The following MYO3A variants were observed in gnomAD, a reference collection of about 807,000 sequenced individuals.
The protein encoded by MYO3A is myosin-IIIa.
Under a neutral mutation model 192.7 loss-of-function variants are expected in MYO3A, and 180 were observed. The observed-to-expected ratio is 0.93, with a 90% CI of 0.83 to 1.06. The LOEUF is 1.06. Among genes scored for constraint, MYO3A ranks in the 50% least tolerant of loss-of-function variants. The pLI is 0.00. For missense variants in MYO3A, 1,896 were observed against 1,905.0 expected (o/e 1.00, Z 0.09); for synonymous variants, 628 against 645.3 (o/e 0.97, Z 0.41).
chr10:26,205,434 C>T (rs78215086), intron 34 of MYO3A, among the ~76,000 whole-genome samples: 9,052 of 142,408 alleles, frequency 0.064, 370 homozygotes, highest in Non-Finnish European at 0.088. Context: ...CTGGTAACTA[C>T]TATTCTACTC....
At chr10:25,940,257 C>T (rs1377201317) in intron 2 of MYO3A, among the ~76,000 whole-genome samples, 1 of 151,164 alleles carries the variant, frequency 6.6e-6, no homozygotes, top group African/African-American at 2.4e-5. Context: ...CCTTTATTCT[C>T]CTTTCTTGAA....
At chr10:26,001,243 C>T (rs574131178) in intron 6 of MYO3A, among the ~76,000 whole-genome samples, 1 of 152,160 alleles carries the variant, frequency 6.6e-6, no homozygotes, top group South Asian at 2.1e-4. Context: ...TCATTGCTAA[C>T]CTGGAGGGGC....
At position 25,948,035 on chromosome 10, in the gene MYO3A, A is replaced by G. The variant is rs562628156; in HGVS notation, c.-17-4059A>G. On this transcript the variant is annotated intron_variant, in intron 2 of 34. Coordinates refer to ENST00000642920, the MANE Select transcript of MYO3A (RefSeq NM_017433.5). ...GGCAAGATGGGATGCAGGAAGTAAG[A>G]CTGGGATTGTAAGTAAGATGATCAG... is the stretch of plus-strand genomic sequence containing the variant. Among the ~76,000 whole-genome samples, 34 of 152,248 alleles carry G rather than the reference A, an allele frequency of 2.2e-4. 1 individual carries two copies. The South Asian group carries it at 6.2e-3, about 28-fold the overall frequency.
At chr10:25,975,014 A>G (rs1340130852) in intron 4 of MYO3A, among the ~76,000 whole-genome samples, 1 of 152,334 alleles carries the variant, frequency 6.6e-6, no homozygotes, top group Non-Finnish European at 1.5e-5. Flanking sequence ...GGCCTCTGGT[A>G]GAAGCCAAAA....
intron 4 of MYO3A, among the ~76,000 whole-genome samples, chr10:25,986,416 G>A (rs1011121554): frequency 6.6e-6 from 1 of 152,160 alleles, no homozygotes; most frequent in East Asian, 1.9e-4. Context: ...AAGTCAAACT[G>A]TCACTCTTTG....
intron 17 of MYO3A, among the ~76,000 whole-genome samples, chr10:26,110,110 A>T (rs72787353): frequency 6.6e-6 from 1 of 152,204 alleles, no homozygotes; most frequent in African/African-American, 2.4e-5. Context: ...CTGAAGTTAA[A>T]TGACTTTTTG....
intron 20 of MYO3A, among the ~76,000 whole-genome samples, chr10:26,142,839 A>G (rs1840241089): frequency 6.6e-6 from 1 of 152,216 alleles, no homozygotes; most frequent in Admixed American, 6.5e-5. Context: ...ATCTAGTTAA[A>G]TATTCTGTAA....
chr10:25,956,459 C>T (rs1433156681), intron 4 of MYO3A, among the ~76,000 whole-genome samples: 1 of 150,080 alleles, frequency 6.7e-6, no homozygotes, highest in South Asian at 2.1e-4. Context: ...TCACAAGTAG[C>T]TGGGATTACA....
intron 23 of MYO3A, among the ~76,000 whole-genome samples, chr10:26,153,163 T>C (rs1045038280): frequency 2.6e-5 from 4 of 152,342 alleles, no homozygotes; most frequent in Middle Eastern, 6.8e-3. Context: ...GCCTTCCATG[T>C]GCCAGACATA....
At chr10:26,036,026 C>T (rs886406516) in intron 10 of MYO3A, among the ~76,000 whole-genome samples, 6 of 151,956 alleles carry the variant, frequency 3.9e-5, no homozygotes, top group African/African-American at 1.2e-4. Context: ...TTCTGCCTCC[C>T]GGGTTCACAC....
intron 10 of MYO3A, among the ~76,000 whole-genome samples, chr10:26,050,981 A>T (rs868465659): frequency 4.6e-5 from 7 of 152,214 alleles, no homozygotes; most frequent in Admixed American, 3.3e-4. Flanking sequence ...GTAAATCAAA[A>T]TTTATACCAG....
At chr10:26,006,545 G>A (rs1841220778) in intron 6 of MYO3A, among the ~76,000 whole-genome samples, 2 of 151,822 alleles carry the variant, frequency 1.3e-5, no homozygotes, top group African/African-American at 4.8e-5. Context: ...ATGATAAAGG[G>A]GATATCACCA....
In MYO3A at chr10:25,997,404, T is replaced by C. The variant is rs1840523496; in HGVS notation, c.508+146T>C. ...CTTATTGAGGTAAGAAGTGCAGAGA[T>C]AATTTGGCAAATGAGAGATTCCCAG... On this transcript the variant is annotated intron_variant, in intron 6 of 34. Coordinates refer to ENST00000642920, the MANE Select transcript of MYO3A (RefSeq NM_017433.5). 1.1e-5 allele frequency: 8 copies of C among 702,822 alleles called. No homozygotes were observed. In the East Asian group the frequency reaches 2.2e-4, roughly 20 times the overall value. 43.5% of individuals were successfully genotyped at this position (702,822 alleles called of 1,614,324 possible).
intron 10 of MYO3A, among the ~76,000 whole-genome samples, chr10:26,039,666 G>A (rs1318790714): frequency 1.3e-5 from 2 of 151,986 alleles, no homozygotes; most frequent in Non-Finnish European, 2.9e-5. Flanking sequence ...ATTTATTGAT[G>A]TATATTTGCT....
At position 26,212,351 on chromosome 10, in the gene MYO3A, ATT is replaced by A. The variant is rs558895234; in HGVS notation, c.*398_*399del. 9.4e-4 allele frequency: 309 copies of A among 328,786 alleles called. No individual in the cohort carries two copies. The highest frequency in any genetic ancestry group is 3.0e-3 in the African/African-American group (138 of 46,088). The allele number at this position is 328,786 out of a possible 1,614,324, so 20.4% of individuals were successfully genotyped here. On this transcript the variant is annotated 3_prime_UTR_variant, in exon 35 of 35. Transcript: ENST00000642920. ...TCATTTGGGGTGACTGAATTCACAGATTTTTTTTTTTATTGGAAACGGCTTTT... is the reference window on the plus strand; with the variant it reads ...TCATTTGGGGTGACTGAATTCACAGATTTTTTTTTATTGGAAACGGCTTTT...
rs1589005428 is a variant in MYO3A at position 26,128,625 on chromosome 10, T to C, written c.2262+87T>C. 2.3e-6 allele frequency: 3 copies of C among 1,332,682 alleles called. No individual in the cohort carries two copies. In the East Asian group the frequency reaches 7.0e-5, roughly 31 times the overall value. 82.6% of individuals were successfully genotyped at this position (1,332,682 alleles called of 1,614,324 possible). A position where few individuals can be genotyped will look rare whatever the true frequency, so the allele number is the denominator to read the frequency against. On this transcript the variant is annotated intron_variant, in intron 20 of 34. Coordinates refer to ENST00000642920, the MANE Select transcript of MYO3A (RefSeq NM_017433.5). ...AATGAAGCAGGACCTTAACCATAGA[T>C]TTAATGCCTTAAACATTTTAGAAAG...
intron 26 of MYO3A, among the ~76,000 whole-genome samples, chr10:26,160,563 T>G (rs189632003): frequency 9.9e-5 from 15 of 152,196 alleles, no homozygotes; most frequent in Admixed American, 9.8e-4. Flanking sequence ...GAGGATCACT[T>G]GAGCCCAGGA....
intron 10 of MYO3A, among the ~76,000 whole-genome samples, chr10:26,036,043 C>G (rs1206356245): frequency 2.6e-5 from 4 of 152,062 alleles, no homozygotes; most frequent in Non-Finnish European, 5.9e-5. Context: ...ACACCATTCT[C>G]CTGCCTCAGC....
intron 20 of MYO3A, among the ~76,000 whole-genome samples, chr10:26,142,532 A>T (rs1343529563): frequency 6.6e-6 from 1 of 152,234 alleles, no homozygotes; most frequent in African/African-American, 2.4e-5. Flanking sequence ...ATTACACTAT[A>T]CTCAACAGCA....
Sources: gnomAD v4.1 joint callset for allele counts (sites outside exome capture counted in the v4.1 genomes callset) on GRCh38, gnomAD v4.1.1 for gene constraint, MANE v1.5 for transcripts, NCBI Gene and HGNC (gene_info 2026-07-23, HGNC 2026-07-21) for gene names.